TUSC3: variants seen among roughly 807,000 people sequenced by gnomAD.
The protein encoded by TUSC3 is tumor suppressor candidate 3.
A neutral mutation model predicts 44.8 loss-of-function variants in TUSC3; 45 were observed. That is an observed-to-expected ratio of 1.00 (90% CI 0.79 to 1.29). The LOEUF (loss-of-function observed/expected upper bound fraction) is 1.29, where lower values mean the gene tolerates loss of function less well. Ranked by LOEUF, TUSC3 falls within the 50% of genes most tolerant of loss-of-function variation. The pLI, the probability that TUSC3 is intolerant of heterozygous loss-of-function variation, is 0.00. For synonymous variants in TUSC3, 212 were observed against 152.9 expected (o/e 1.39, Z -2.85); for missense variants, 519 against 437.9 (o/e 1.19, Z -1.65).
At chr8:15,640,055 G>T (rs1010377832) in intron 2 of TUSC3, among the ~76,000 whole-genome samples, 6 of 152,140 alleles carry the variant, frequency 3.9e-5, no homozygotes, top group African/African-American at 1.4e-4. Context: ...TGGATTTTGG[G>T]AATTTTTCCA....
Position 15,548,586 on chromosome 8 carries a change from T to C in TUSC3, c.138+8018T>C, listed in dbSNP as rs181690481. 4.5e-4 allele frequency among the ~76,000 whole-genome samples: 68 copies of C among 151,974 alleles called. 1 individual carries two copies. Among genetic ancestry groups the C allele is most frequent in the Non-Finnish European group, 7.7e-4 (52 of 67,934 alleles). Reference sequence around the variant, plus strand: ...TAGAAAAATGGGAAGAACTGGGTACTTGATGACATGTCTTAGCCTTGTAAT... The same window carrying C: ...TAGAAAAATGGGAAGAACTGGGTACCTGATGACATGTCTTAGCCTTGTAAT... On this transcript the variant is annotated intron_variant, in intron 1 of 10. Coordinates refer to ENST00000503731, the MANE Select transcript of TUSC3 (RefSeq NM_006765.4).
At chr8:15,826,445 G>C in the TUSC3 span, among the ~76,000 whole-genome samples, 2 of 152,072 alleles carry the variant, frequency 1.3e-5, no homozygotes, top group Non-Finnish European at 2.9e-5. Context: ...GATTCTTCTG[G>C]TTTAGTGATA....
At chr8:15,772,779 G>C in the TUSC3 span, among the ~76,000 whole-genome samples, 2 of 152,220 alleles carry the variant, frequency 1.3e-5, no homozygotes, top group East Asian at 1.9e-4. Context: ...AATCCAGCAG[G>C]ATACTAAAAG....
intron 1 of TUSC3, among the ~76,000 whole-genome samples, chr8:15,476,572 G>A (rs764488946): frequency 1.5e-4 from 23 of 152,192 alleles, no homozygotes; most frequent in Non-Finnish European, 2.5e-4. Flanking sequence ...TTTCAATTCT[G>A]TTACCAGGGG....
At chr8:15,445,314 T>G (rs1231250340) in intron 1 of TUSC3, among the ~76,000 whole-genome samples, 1 of 151,500 alleles carries the variant, frequency 6.6e-6, no homozygotes, top group Non-Finnish European at 1.5e-5. Flanking sequence ...CCCAGGATTT[T>G]ATTTTTTTTT....
chr8:15,490,816 G>A (rs1047196282), intron 2 of TUSC3, among the ~76,000 whole-genome samples: 2 of 152,184 alleles, frequency 1.3e-5, no homozygotes, highest in East Asian at 3.9e-4. Context: ...TCACAAGCTA[G>A]ATTTGTGTTG....
chr8:15,483,649 A>ATTTTTTTTTTTTGTTTTTTTTTTTTTTTT (rs1800694744), intron 2 of TUSC3, among the ~76,000 whole-genome samples: 1 of 66,164 alleles, frequency 1.5e-5, no homozygotes, highest in East Asian at 6.7e-4. Context: ...TAGCACTGTG[A>ATTTTTTTTTTTTGTTTTTTTTTTTTTTTT]TTTTTTTTTT....
intron 1 of TUSC3, among the ~76,000 whole-genome samples, chr8:15,584,825 T>C (rs1365164274): frequency 6.6e-6 from 1 of 152,122 alleles, no homozygotes. Flanking sequence ...CTTTTATATG[T>C]ACAGGGTTCT....
At chr8:15,586,284 C>T (rs1365172313) in intron 1 of TUSC3, among the ~76,000 whole-genome samples, 1 of 152,044 alleles carries the variant, frequency 6.6e-6, no homozygotes, top group African/African-American at 2.4e-5. Flanking sequence ...TTGAGAGAAG[C>T]TTGTATAAGT....
intron 1 of TUSC3, among the ~76,000 whole-genome samples, chr8:15,597,069 G>T (rs1585137896): frequency 6.6e-6 from 1 of 152,110 alleles, no homozygotes; most frequent in East Asian, 1.9e-4. Flanking sequence ...GAGAATGTCA[G>T]CAGGGGTGGT....
intron 1 of TUSC3, among the ~76,000 whole-genome samples, chr8:15,585,437 A>C (rs182442022): frequency 6.6e-6 from 1 of 152,208 alleles, no homozygotes; most frequent in Admixed American, 6.5e-5. Flanking sequence ...GTTGGAGCGA[A>C]AGTTTAATAA....
intron 1 of TUSC3, among the ~76,000 whole-genome samples, chr8:15,575,208 G>A (rs1216627123): frequency 2.0e-5 from 3 of 151,966 alleles, no homozygotes; most frequent in African/African-American, 2.4e-5. Flanking sequence ...GGAATTAATA[G>A]GAATTAAAGT....
chr8:15,693,718 G>T (rs772593870), intron 6 of TUSC3, among the ~76,000 whole-genome samples: 1 of 151,902 alleles, frequency 6.6e-6, no homozygotes, highest in East Asian at 1.9e-4. Context: ...AAATTTTCAC[G>T]GATGATATTC....
chr8:15,522,480 G>A (rs1001716105), intron 2 of TUSC3, among the ~76,000 whole-genome samples: 4 of 151,454 alleles, frequency 2.6e-5, no homozygotes, highest in African/African-American at 7.3e-5. Flanking sequence ...TGATCCACCC[G>A]CCTTGGCCTC....
intron 2 of TUSC3, among the ~76,000 whole-genome samples, chr8:15,623,982 T>C (rs929580474): frequency 2.0e-5 from 3 of 152,232 alleles, no homozygotes; most frequent in African/African-American, 7.2e-5. Context: ...CCTGTCGAAC[T>C]TGACCTCTGA....
the TUSC3 span, among the ~76,000 whole-genome samples, chr8:15,809,837 G>C: frequency 7.9e-5 from 12 of 152,262 alleles, no homozygotes; most frequent in African/African-American, 2.9e-4. Context: ...GGCAATGCCA[G>C]ACTTCTCCTT....
chr8:15,558,318 C>T lies in TUSC3; in HGVS notation c.138+17750C>T, dbSNP rs1273943854. Among the ~76,000 whole-genome samples, 8 of 46,466 alleles carry T rather than the reference C, an allele frequency of 1.7e-4. 3 individuals carry two copies. The South Asian group carries it at 3.1e-3, about 18-fold the overall frequency. The allele number at this position is 46,466 out of a possible 152,430, so 30.5% of individuals were successfully genotyped here. Reference sequence around the variant, plus strand: ...ATGCTGGATTACATTTATTGATTTGCGTATATTGAACCAGCCTTGCCGTCC... The same window carrying T: ...ATGCTGGATTACATTTATTGATTTGTGTATATTGAACCAGCCTTGCCGTCC... On this transcript the variant is annotated intron_variant, in intron 1 of 10. Coordinates refer to ENST00000503731, the MANE Select transcript of TUSC3 (RefSeq NM_006765.4).
the TUSC3 span, among the ~76,000 whole-genome samples, chr8:15,783,084 T>A: frequency 2.6e-5 from 4 of 152,188 alleles, no homozygotes; most frequent in African/African-American, 9.6e-5. Flanking sequence ...TGAAAAAGAT[T>A]AAGAGAACAA....
At chr8:15,546,416 G>A (rs1011955868) in intron 1 of TUSC3, among the ~76,000 whole-genome samples, 1 of 151,658 alleles carries the variant, frequency 6.6e-6, no homozygotes, top group Non-Finnish European at 1.5e-5. Flanking sequence ...TAATTTCTTG[G>A]GGAGTTGTAC....
Sources: gnomAD v4.1 joint callset for allele counts (sites outside exome capture counted in the v4.1 genomes callset) on GRCh38, gnomAD v4.1.1 for gene constraint, MANE v1.5 for transcripts, NCBI Gene and HGNC (gene_info 2026-07-23, HGNC 2026-07-21) for gene names.